The following ERC2 variants were observed in gnomAD, a reference collection of about 807,000 sequenced individuals.
ERC2 encodes ELKS/RAB6-interacting/CAST family member 2, also known as ERC protein 2.
Under a neutral mutation model 114.8 loss-of-function variants are expected in ERC2, and 42 were observed. That is an observed-to-expected ratio of 0.37 (90% CI 0.29 to 0.47). The LOEUF is 0.47. Among genes scored for constraint, ERC2 ranks in the 20% least tolerant of loss-of-function variants. ERC2 has a pLI of 0.99. For synonymous variants in ERC2, 454 were observed against 425.5 expected (o/e 1.07, Z -0.82); for missense variants, 939 against 1,150.7 (o/e 0.82, Z 2.66).
chr3:55,522,842 A>T (rs1008876570), intron 17 of ERC2, among the ~76,000 whole-genome samples: 1 of 152,188 alleles, frequency 6.6e-6, no homozygotes, highest in Non-Finnish European at 1.5e-5. Flanking sequence ...CCCATCTGTT[A>T]TGGGGCTTCC....
At chr3:55,991,538 G>T (rs2071058151) in intron 11 of ERC2, among the ~76,000 whole-genome samples, 1 of 152,130 alleles carries the variant, frequency 6.6e-6, no homozygotes, top group Non-Finnish European at 1.5e-5. Context: ...TATTTAAAAG[G>T]TCCTCTTAAG....
chr3:55,939,222 A>T (rs895053454), intron 13 of ERC2, among the ~76,000 whole-genome samples: 1 of 152,242 alleles, frequency 6.6e-6, no homozygotes, highest in African/African-American at 2.4e-5. Context: ...TTCAGCAAAG[A>T]CAATATTATG....
rs571033052 is a variant in ERC2 at position 56,324,503 on chromosome 3, G to A, written c.658-28068C>T. ...AGAACACTGACATTAGCCTACAGTC[G>A]GGCAATGCATACTTGCACCATCATA... is the stretch of plus-strand genomic sequence containing the variant. On this transcript the variant is annotated intron_variant, in intron 2 of 17. Transcript: ENST00000288221. 6.8e-4 allele frequency among the ~76,000 whole-genome samples: 104 copies of A among 152,182 alleles called. 1 individual carries two copies. The South Asian group carries it at 0.019, about 28-fold the overall frequency.
Position 55,508,664 on chromosome 3 carries a change from T to G in ERC2, c.*2652A>C, listed in dbSNP as rs1161721795. 6.6e-6 allele frequency: 1 copy of G among 152,542 alleles called. No individual in the cohort carries two copies. The highest frequency in any genetic ancestry group is 1.5e-5 in the Non-Finnish European group (1 of 68,016). 9.4% of individuals were successfully genotyped at this position (152,542 alleles called of 1,614,324 possible). A position where few individuals can be genotyped will look rare whatever the true frequency, so the allele number is the denominator to read the frequency against. ...CCACTCTACACAAAAACATTGCAGA[T>G]AGAGCTTACGTCAACACATCTGAGG... On this transcript the variant is annotated 3_prime_UTR_variant, in exon 18 of 18. Coordinates refer to ENST00000288221, the MANE Select transcript of ERC2 (RefSeq NM_015576.3).
chr3:56,124,497 C>T (rs1240290358), intron 6 of ERC2, among the ~76,000 whole-genome samples: 3 of 152,194 alleles, frequency 2.0e-5, no homozygotes, highest in Admixed American at 6.5e-5. Flanking sequence ...CAACATCTTC[C>T]TGGGTTCTGA....
chr3:56,133,073 A>C (rs1350590395), intron 6 of ERC2, among the ~76,000 whole-genome samples: 1 of 152,206 alleles, frequency 6.6e-6, no homozygotes, highest in East Asian at 1.9e-4. Flanking sequence ...ATGCCTAGAA[A>C]GCATTCTTGA....
intron 2 of ERC2, among the ~76,000 whole-genome samples, chr3:56,362,264 C>T (rs1281943494): frequency 2.0e-5 from 3 of 152,164 alleles, no homozygotes; most frequent in Non-Finnish European, 4.4e-5. Context: ...CTTCAAGGTT[C>T]CTCAGAGATC....
At chr3:55,734,416 C>T (rs2065494587) in intron 15 of ERC2, among the ~76,000 whole-genome samples, 1 of 152,106 alleles carries the variant, frequency 6.6e-6, no homozygotes, top group Admixed American at 6.5e-5. Flanking sequence ...ACAGGTCCAA[C>T]AGGAAAGAAT....
chr3:55,930,145 A>C (rs2065988681), intron 13 of ERC2, among the ~76,000 whole-genome samples: 1 of 152,192 alleles, frequency 6.6e-6, no homozygotes, highest in Non-Finnish European at 1.5e-5. Context: ...AGGCTGAGGC[A>C]GGAGAATTGC....
At chr3:55,930,275 C>A (rs2149401075) in intron 13 of ERC2, among the ~76,000 whole-genome samples, 1 of 151,518 alleles carries the variant, frequency 6.6e-6, no homozygotes, top group African/African-American at 2.4e-5. Context: ...ATAAATAACC[C>A]AGTCTCAGGT....
At chr3:55,651,433 C>G (rs757035731) in intron 17 of ERC2, among the ~76,000 whole-genome samples, 3 of 152,152 alleles carry the variant, frequency 2.0e-5, no homozygotes, top group Non-Finnish European at 4.4e-5. Flanking sequence ...TGGGCCTTCC[C>G]CAAGAGAAAC....
At chr3:55,772,668 C>T (rs1035401516) in intron 14 of ERC2, among the ~76,000 whole-genome samples, 1 of 151,928 alleles carries the variant, frequency 6.6e-6, no homozygotes, top group African/African-American at 2.4e-5. Flanking sequence ...ATCACCCATC[C>T]TTTCCCTCCC....
chr3:56,170,643 C>A (rs1018524851), intron 4 of ERC2, among the ~76,000 whole-genome samples: 1 of 143,656 alleles, frequency 7.0e-6, no homozygotes, highest in African/African-American at 2.7e-5. Context: ...GTCACCCAGG[C>A]TGGAGTGCAG....
chr3:56,418,393 C>T lies in ERC2; in HGVS notation c.657+15958G>A, dbSNP rs545185895. Among the ~76,000 whole-genome samples, 8 of 152,096 alleles carry T rather than the reference C, an allele frequency of 5.3e-5. No individual in the cohort carries two copies. In the East Asian group the frequency reaches 9.7e-4, roughly 18 times the overall value. On this transcript the variant is annotated intron_variant, in intron 2 of 17. Transcript: ENST00000288221. The stretch of plus-strand genomic sequence containing the variant: ...CAGAGTCCTCACCTGTCCTAAGATC[C>T]TCTTGTGTACACAGAGCTACTCACT...
intron 2 of ERC2, among the ~76,000 whole-genome samples, chr3:56,420,047 T>C (rs2107216522): frequency 6.6e-6 from 1 of 152,288 alleles, no homozygotes; most frequent in East Asian, 1.9e-4. Flanking sequence ...TGGAAACTTT[T>C]ATATTATTTC....
At chr3:56,171,843 C>CTTTTTTTT (rs34797642) in intron 4 of ERC2, among the ~76,000 whole-genome samples, 4 of 139,222 alleles carry the variant, frequency 2.9e-5, no homozygotes, top group Non-Finnish European at 3.1e-5. Context: ...GAAACTCGCT[C>CTTTTTTTT]TTTTTTTTTT....
intron 1 of ERC2, among the ~76,000 whole-genome samples, chr3:56,452,570 A>G (rs1197532967): frequency 1.3e-5 from 2 of 152,266 alleles, no homozygotes; most frequent in Non-Finnish European, 2.9e-5. Context: ...TGTTTATACA[A>G]TTTAAAGTAT....
chr3:56,324,014 G>A (rs1031407418), intron 2 of ERC2, among the ~76,000 whole-genome samples: 1 of 152,152 alleles, frequency 6.6e-6, no homozygotes, highest in African/African-American at 2.4e-5. Flanking sequence ...ACCTACAACC[G>A]TGTGTTCTGT....
rs529233439 is a variant in ERC2 at position 55,946,095 on chromosome 3, TA to T, written c.2403+4329del. 9.5e-3 allele frequency among the ~76,000 whole-genome samples: 1,371 copies of T among 144,606 alleles called. 6 individuals carry two copies. Among genetic ancestry groups the T allele is most frequent in the Non-Finnish European group, 0.015 (966 of 65,314 alleles). 94.9% of individuals were successfully genotyped at this position (144,606 alleles called of 152,430 possible). A position where few individuals can be genotyped will look rare whatever the true frequency, so the allele number is the denominator to read the frequency against. Reference sequence around the variant, plus strand: ...AAAAAAATAAATAAAAATAAAAAAATAAAAAAAAAAGGCATCCCATTCTGGA... The same window carrying T: ...AAAAAAATAAATAAAAATAAAAAAATAAAAAAAAAGGCATCCCATTCTGGA... On this transcript the variant is annotated intron_variant, in intron 13 of 17. Transcript: ENST00000288221.
Sources: gnomAD v4.1 joint callset for allele counts (sites outside exome capture counted in the v4.1 genomes callset) on GRCh38, gnomAD v4.1.1 for gene constraint, MANE v1.5 for transcripts, NCBI Gene and HGNC (gene_info 2026-07-23, HGNC 2026-07-21) for gene names.